The following BOD1L2 variants were observed in gnomAD, a reference collection of about 807,000 sequenced individuals.
BOD1L2 encodes biorientation of chromosomes in cell division 1 like 2.
In BOD1L2, 6 loss-of-function variants were observed where a neutral mutation model predicts 5.3. The ratio of observed to expected loss-of-function variants is 1.14; its 90% CI spans 0.62 to 2.25. The LOEUF (loss-of-function observed/expected upper bound fraction) is 2.25, where lower values mean the gene tolerates loss of function less well. BOD1L2 is among the 30% of genes most tolerant of loss of function. BOD1L2 has a pLI of 0.00. For missense variants in BOD1L2, 210 were observed against 227.2 expected, an observed-to-expected ratio of 0.92 and a Z score of 0.49; for synonymous variants, 96 against 96.3, an observed-to-expected ratio of 1.00 and a Z score of 0.02.
At position 57,148,452 on chromosome 18, in the gene BOD1L2, G is replaced by A. The variant is rs1429304858; in HGVS notation, c.*621G>A. 1 of 150,290 alleles carries A rather than the reference G, an allele frequency of 6.7e-6. No homozygotes were observed. Among genetic ancestry groups the A allele is most frequent in the African/African-American group, 2.4e-5 (1 of 40,954 alleles). The allele number at this position is 150,290 out of a possible 1,614,324, so 9.3% of individuals were successfully genotyped here. ...GAATGAGTGAGAAGTTCAGACATTA[G>A]GTATAAGGAAACTCATTTGCAGACT... On this transcript the variant is annotated 3_prime_UTR_variant, in exon 1 of 1. Transcript: ENST00000585477.
rs2048946777 is a variant in BOD1L2 at position 57,149,961 on chromosome 18, A to G, written c.*2130A>G. ...ACTTTTAAAGTTTTTTTTTTCCTTT[A>G]CCAGTTCTCTATTCTCCTTTTCTAC... On this transcript the variant is annotated 3_prime_UTR_variant, in exon 1 of 1. Coordinates refer to ENST00000585477, the MANE Select transcript of BOD1L2 (RefSeq NM_001257964.2). 6.6e-6 allele frequency: 1 copy of G among 151,458 alleles called. No homozygotes were observed. The highest frequency in any genetic ancestry group is 2.4e-5 in the African/African-American group (1 of 41,196). 9.4% of individuals were successfully genotyped at this position (151,458 alleles called of 1,614,324 possible).
Position 57,147,420 on chromosome 18 carries a change from T to G in BOD1L2, c.108T>G (p.Pro36=), listed in dbSNP as rs777098688. 2 of 1,541,042 alleles carry G rather than the reference T, an allele frequency of 1.3e-6. No individual in the cohort carries two copies. Among genetic ancestry groups the G allele is most frequent in the South Asian group, 2.4e-5 (2 of 84,290 alleles). The change falls in exon 1 of 1, where the codon CCT becomes CCG. Residue 36 remains proline (P), a synonymous_variant. Transcript: ENST00000585477. Reference sequence around the variant, plus strand: ...CGGCCTCGTTGCCCCCTGGCGACCCTCAGCTCATCGCTATCATCGTGGGGC... The same window carrying G: ...CGGCCTCGTTGCCCCCTGGCGACCCGCAGCTCATCGCTATCATCGTGGGGC... ...INPASLPPGD[P]QLIAIIVGQL...
rs1398137865 is a variant in BOD1L2, at chr18:57,149,108, C to T, written c.*1277C>T. ...CCATTTATAAATGTAGAAACCAAAG[C>T]TCAGACACTGCCTAAGTGGTGGGGC... On this transcript the variant is annotated 3_prime_UTR_variant, in exon 1 of 1. Transcript: ENST00000585477. The T allele has an allele frequency of 6.6e-6, 1 of 152,244 alleles. No homozygotes were observed. Among genetic ancestry groups the T allele is most frequent in the Non-Finnish European group, 1.5e-5 (1 of 68,050 alleles). The allele number at this position is 152,244 out of a possible 1,614,324, so 9.4% of individuals were successfully genotyped here.
rs540227287 is a variant in BOD1L2 at position 57,149,053 on chromosome 18, G to A, written c.*1222G>A. ...AGTAAGTCCTCATGATCTAATTGAAGAAATCGTATCTTTATTCCCATTTTT... is the reference window on the plus strand; with the variant it reads ...AGTAAGTCCTCATGATCTAATTGAAAAAATCGTATCTTTATTCCCATTTTT... On this transcript the variant is annotated 3_prime_UTR_variant, in exon 1 of 1. Transcript: ENST00000585477. The A allele has an allele frequency of 3.3e-5, 5 of 152,362 alleles. No individual in the cohort carries two copies. In the East Asian group the frequency reaches 9.6e-4, roughly 29 times the overall value. 9.4% of individuals were successfully genotyped at this position (152,362 alleles called of 1,614,324 possible). A position where few individuals can be genotyped will look rare whatever the true frequency, so the allele number is the denominator to read the frequency against.
Position 57,147,834 on chromosome 18 carries a change from A to G in BOD1L2, c.*3A>G, listed in dbSNP as rs1555656165. On this transcript the variant is annotated 3_prime_UTR_variant, in exon 1 of 1. Coordinates refer to ENST00000585477, the MANE Select transcript of BOD1L2 (RefSeq NM_001257964.2). ...CTCCGTCTCAGGACACTTCCTAAGA[A>G]TATGCCTGACAGCTTTTGAAAGCGC... is the stretch of plus-strand genomic sequence containing the variant. The G allele has an allele frequency of 2.5e-6, 4 of 1,593,998 alleles. No homozygotes were observed. The highest frequency in any genetic ancestry group is 1.7e-6 in the Non-Finnish European group (2 of 1,170,046).
rs2048943515 is a variant in BOD1L2, at chr18:57,149,202, C to A, written c.*1371C>A. The A allele has an allele frequency of 2.6e-5, 4 of 152,218 alleles. No homozygotes were observed. Among genetic ancestry groups the A allele is most frequent in the Admixed American group, 2.0e-4 (3 of 15,280 alleles). The allele number at this position is 152,218 out of a possible 1,614,324, so 9.4% of individuals were successfully genotyped here. On this transcript the variant is annotated 3_prime_UTR_variant, in exon 1 of 1. Coordinates refer to ENST00000585477, the MANE Select transcript of BOD1L2 (RefSeq NM_001257964.2). ...CTTTTAACCATGCTTTTAGCCACAC[C>A]ACCTCACCACAGTGAACTGTCTTTG...
In BOD1L2 at chr18:57,148,425, T is replaced by C. The variant is rs2048938950; in HGVS notation, c.*594T>C. 1 of 152,744 alleles carries C rather than the reference T, an allele frequency of 6.5e-6. No homozygotes were observed. The highest frequency in any genetic ancestry group is 2.4e-5 in the African/African-American group (1 of 41,454). The allele number at this position is 152,744 out of a possible 1,614,324, so 9.5% of individuals were successfully genotyped here. ...TAAGAGATAACAAAGCATGAAACCCTAGAATGAGTGAGAAGTTCAGACATT... is the reference window on the plus strand; with the variant it reads ...TAAGAGATAACAAAGCATGAAACCCCAGAATGAGTGAGAAGTTCAGACATT... On this transcript the variant is annotated 3_prime_UTR_variant, in exon 1 of 1. Transcript: ENST00000585477.
rs550871448 is a variant in BOD1L2 at position 57,148,749 on chromosome 18, C to A, written c.*918C>A. ...TCACCTCTGCTGCCCCGTACACTGT[C>A]ATTTCTCATATGACAACCATGCCCA... On this transcript the variant is annotated 3_prime_UTR_variant, in exon 1 of 1. Transcript: ENST00000585477. The A allele has an allele frequency of 6.6e-6, 1 of 152,378 alleles. No individual in the cohort carries two copies. The highest frequency in any genetic ancestry group is 2.1e-4 in the South Asian group (1 of 4,832). The allele number at this position is 152,378 out of a possible 1,614,324, so 9.4% of individuals were successfully genotyped here.
Position 57,148,056 on chromosome 18 carries a change from T to C in BOD1L2, c.*225T>C. The C allele has an allele frequency of 2.0e-6, 1 of 498,930 alleles. No individual in the cohort carries two copies. The highest frequency in any genetic ancestry group is 2.5e-5 in the South Asian group (1 of 40,680). The allele number at this position is 498,930 out of a possible 1,614,324, so 30.9% of individuals were successfully genotyped here. A position where few individuals can be genotyped will look rare whatever the true frequency, so the allele number is the denominator to read the frequency against. ...CATTGCGCTGCCATTTGGCCAGCCT[T>C]TCCAAGGGCATGACACCAAACACAC... On this transcript the variant is annotated 3_prime_UTR_variant, in exon 1 of 1. Transcript: ENST00000585477.
Position 57,150,158 on chromosome 18 carries a change from T to C in BOD1L2, c.*2327T>C, listed in dbSNP as rs1038525656. 1 of 152,238 alleles carries C rather than the reference T, an allele frequency of 6.6e-6. No homozygotes were observed. The highest frequency in any genetic ancestry group is 2.4e-5 in the African/African-American group (1 of 41,462). The allele number at this position is 152,238 out of a possible 1,614,324, so 9.4% of individuals were successfully genotyped here. On this transcript the variant is annotated 3_prime_UTR_variant, in exon 1 of 1. Transcript: ENST00000585477. ...GAAATTCAAATTTACTGGGGCCCCA[T>C]GCTTTAGTTTGCCAAATCTGCCAAC...
At position 57,149,319 on chromosome 18, in the gene BOD1L2, C is replaced by A. The variant is rs2048943928; in HGVS notation, c.*1488C>A. On this transcript the variant is annotated 3_prime_UTR_variant, in exon 1 of 1. Coordinates refer to ENST00000585477, the MANE Select transcript of BOD1L2 (RefSeq NM_001257964.2). Reference sequence around the variant, plus strand: ...TCTTTTCCTTAACCCCAGGACCTAGCACATCACAGGAGCTCAGCAATTTGT... The same window carrying A: ...TCTTTTCCTTAACCCCAGGACCTAGAACATCACAGGAGCTCAGCAATTTGT... 1 of 152,208 alleles carries A rather than the reference C, an allele frequency of 6.6e-6. No individual in the cohort carries two copies. Among genetic ancestry groups the A allele is most frequent in the Non-Finnish European group, 1.5e-5 (1 of 68,030 alleles). 9.4% of individuals were successfully genotyped at this position (152,208 alleles called of 1,614,324 possible). A position where few individuals can be genotyped will look rare whatever the true frequency, so the allele number is the denominator to read the frequency against.
rs2048938626 is a variant in BOD1L2, at chr18:57,148,376, T to G, written c.*545T>G. 6.5e-6 allele frequency: 1 copy of G among 153,000 alleles called. No individual in the cohort carries two copies. Among genetic ancestry groups the G allele is most frequent in the Non-Finnish European group, 1.5e-5 (1 of 68,584 alleles). The allele number at this position is 153,000 out of a possible 1,614,324, so 9.5% of individuals were successfully genotyped here. On this transcript the variant is annotated 3_prime_UTR_variant, in exon 1 of 1. Coordinates refer to ENST00000585477, the MANE Select transcript of BOD1L2 (RefSeq NM_001257964.2). The stretch of plus-strand genomic sequence containing the variant: ...GTTGTGACCTTCTTGTACATGAATC[T>G]TCTAGCCAGTTTCCTTTCCTTTGTA...
At position 57,147,526 on chromosome 18, in the gene BOD1L2, C is replaced by T; in HGVS notation, c.214C>T (p.Leu72=). Residue 72 remains leucine, a synonymous_variant, in exon 1 of 1, where the codon CTG becomes TTG. Coordinates refer to ENST00000585477, the MANE Select transcript of BOD1L2 (RefSeq NM_001257964.2). ...DVDTKPAYQN[L]SQKADNFVST... ...GGACACCAAGCCAGCTTACCAAAACCTGAGCCAGAAAGCGGATAATTTTGT... is the reference window on the plus strand; with the variant it reads ...GGACACCAAGCCAGCTTACCAAAACTTGAGCCAGAAAGCGGATAATTTTGT... The T allele has an allele frequency of 3.1e-6, 5 of 1,604,150 alleles. No homozygotes were observed. Among genetic ancestry groups the T allele is most frequent in the Non-Finnish European group, 4.3e-6 (5 of 1,175,510 alleles).
Position 57,149,302 on chromosome 18 carries a change from T to C in BOD1L2, c.*1471T>C, listed in dbSNP as rs2048943848. On this transcript the variant is annotated 3_prime_UTR_variant, in exon 1 of 1. Transcript: ENST00000585477. ...GATTTGCTTTGTTCATTTCTTTTCCTTAACCCCAGGACCTAGCACATCACA... is the reference window on the plus strand; with the variant it reads ...GATTTGCTTTGTTCATTTCTTTTCCCTAACCCCAGGACCTAGCACATCACA... 2 of 152,236 alleles carry C rather than the reference T, an allele frequency of 1.3e-5. No homozygotes were observed. The highest frequency in any genetic ancestry group is 4.1e-4 in the South Asian group (2 of 4,832). 9.4% of individuals were successfully genotyped at this position (152,236 alleles called of 1,614,324 possible). A position where few individuals can be genotyped will look rare whatever the true frequency, so the allele number is the denominator to read the frequency against.
In BOD1L2 at chr18:57,147,298, G is replaced by T. The variant is rs1162964925; in HGVS notation, c.-15G>T. On this transcript the variant is annotated 5_prime_UTR_variant, in exon 1 of 1. Coordinates refer to ENST00000585477, the MANE Select transcript of BOD1L2 (RefSeq NM_001257964.2). ...GAAGCTATAATCGGTTTCCTTGTGG[G>T]CCCGGTGCGCAGCCATGGCGGACGG... 2 of 1,161,102 alleles carry T rather than the reference G, an allele frequency of 1.7e-6. No individual in the cohort carries two copies. The highest frequency in any genetic ancestry group is 2.1e-6 in the Non-Finnish European group (2 of 945,730). The allele number at this position is 1,161,102 out of a possible 1,614,324, so 71.9% of individuals were successfully genotyped here. A position where few individuals can be genotyped will look rare whatever the true frequency, so the allele number is the denominator to read the frequency against.
At position 57,147,402 on chromosome 18, in the gene BOD1L2, G is replaced by T. The variant is rs567524501; in HGVS notation, c.90G>T (p.Ser30=). Residue 30 remains serine, a synonymous_variant, in exon 1 of 1, where the codon TCG becomes TCT. Coordinates refer to ENST00000585477, the MANE Select transcript of BOD1L2 (RefSeq NM_001257964.2). ...SGGGGPINPA[S]LPPGDPQLIA... ...GCGGCGGCCCCATCAACCCGGCCTC[G>T]TTGCCCCCTGGCGACCCTCAGCTCA... is the stretch of plus-strand genomic sequence containing the variant. The T allele has an allele frequency of 1.3e-6, 2 of 1,536,832 alleles. No homozygotes were observed. Among genetic ancestry groups the T allele is most frequent in the South Asian group, 1.2e-5 (1 of 84,080 alleles).
At position 57,147,160 on chromosome 18, in the gene BOD1L2, G is replaced by A. The variant is rs930036466; in HGVS notation, c.-153G>A. The A allele has an allele frequency of 1.1e-6, 1 of 927,188 alleles. No homozygotes were observed. The highest frequency in any genetic ancestry group is 1.3e-6 in the Non-Finnish European group (1 of 756,476). 57.4% of individuals were successfully genotyped at this position (927,188 alleles called of 1,614,324 possible). On this transcript the variant is annotated 5_prime_UTR_variant, in exon 1 of 1. Coordinates refer to ENST00000585477, the MANE Select transcript of BOD1L2 (RefSeq NM_001257964.2). ...CTCCCCCACCGCCGCCCCAACCACC[G>A]GCCCCGCCGCCATCACCACCACCGT...
chr18:57,150,404 A>G lies in BOD1L2; in HGVS notation c.*2573A>G, dbSNP rs1291123429. The G allele has an allele frequency of 2.0e-5, 3 of 152,234 alleles. No homozygotes were observed. The highest frequency in any genetic ancestry group is 6.5e-5 in the Admixed American group (1 of 15,276). 9.4% of individuals were successfully genotyped at this position (152,234 alleles called of 1,614,324 possible). A position where few individuals can be genotyped will look rare whatever the true frequency, so the allele number is the denominator to read the frequency against. On this transcript the variant is annotated 3_prime_UTR_variant, in exon 1 of 1. Transcript: ENST00000585477. Reference sequence around the variant, plus strand: ...AAGGATAAATAAATGTAATTTCTGGAATTCTATACATTCTTATCAATGAAC... The same window carrying G: ...AAGGATAAATAAATGTAATTTCTGGGATTCTATACATTCTTATCAATGAAC...
At position 57,148,239 on chromosome 18, in the gene BOD1L2, A is replaced by C. The variant is rs1379470414; in HGVS notation, c.*408A>C. The C allele has an allele frequency of 5.9e-6, 1 of 169,188 alleles. No homozygotes were observed. Among genetic ancestry groups the C allele is most frequent in the Non-Finnish European group, 1.3e-5 (1 of 76,944 alleles). 10.5% of individuals were successfully genotyped at this position (169,188 alleles called of 1,614,324 possible). A position where few individuals can be genotyped will look rare whatever the true frequency, so the allele number is the denominator to read the frequency against. On this transcript the variant is annotated 3_prime_UTR_variant, in exon 1 of 1. Transcript: ENST00000585477. ...ACCAATCCCAAAGACAATTTCAAAGAACAATGACAGTAAAGGTTAACTGGG... is the reference window on the plus strand; with the variant it reads ...ACCAATCCCAAAGACAATTTCAAAGCACAATGACAGTAAAGGTTAACTGGG...
Sources: gnomAD v4.1 joint callset for allele counts on GRCh38, gnomAD v4.1.1 for gene constraint, MANE v1.5 for transcripts, NCBI Gene and HGNC (gene_info 2026-07-23, HGNC 2026-07-21) for gene names.